The following RNGTT variants were observed in gnomAD, a reference collection of about 807,000 sequenced individuals.
The protein encoded by RNGTT is mRNA-capping enzyme.
A neutral mutation model predicts 79.3 loss-of-function variants in RNGTT; 33 were observed. That is an observed-to-expected ratio of 0.42 (90% CI 0.32 to 0.56). The LOEUF (loss-of-function observed/expected upper bound fraction) is 0.56, where lower values mean the gene tolerates loss of function less well. Among genes scored for constraint, RNGTT ranks in the 20% least tolerant of loss-of-function variants. RNGTT has a pLI of 0.17. For missense variants in RNGTT, 497 were observed against 739.1 expected (o/e 0.67, Z 3.80); for synonymous variants, 222 against 235.9 (o/e 0.94, Z 0.54).
intron 5 of RNGTT, 33 bp from the exon 6 acceptor site, chr6:88,904,988 C>T (rs1036159644): frequency 4.8e-5 from 77 of 1,605,016 alleles, no homozygotes; most frequent in Non-Finnish European, 6.6e-5. Flanking sequence ...AATTTCCTCG[C>T]TATCCTCTAT....
At chr6:88,808,048 A>C (rs1780017768) in intron 11 of RNGTT, among the ~76,000 whole-genome samples, 1 of 152,226 alleles carries the variant, frequency 6.6e-6, no homozygotes, top group Non-Finnish European at 1.5e-5. Context: ...GAATATAAGA[A>C]ATTTTAAAAG....
intron 11 of RNGTT, among the ~76,000 whole-genome samples, chr6:88,807,062 G>C (rs1779981773): frequency 6.6e-6 from 1 of 152,226 alleles, no homozygotes; most frequent in African/African-American, 2.4e-5. Context: ...GGACACATGG[G>C]GGTGAACAAC....
intron 8 of RNGTT, among the ~76,000 whole-genome samples, chr6:88,866,525 A>G (rs894386212): frequency 2.0e-5 from 3 of 152,172 alleles, no homozygotes; most frequent in Non-Finnish European, 2.9e-5. Flanking sequence ...TTACCCTACC[A>G]TAGCAAGAAG....
intron 8 of RNGTT, among the ~76,000 whole-genome samples, chr6:88,885,889 C>T (rs554982040): frequency 4.6e-5 from 7 of 152,332 alleles, no homozygotes; most frequent in African/African-American, 1.7e-4. Context: ...CTGTGATGTT[C>T]TTGCAAGCAT....
intron 13 of RNGTT, among the ~76,000 whole-genome samples, chr6:88,742,200 C>T (rs1199540784): frequency 6.6e-6 from 1 of 151,992 alleles, no homozygotes; most frequent in Non-Finnish European, 1.5e-5. Flanking sequence ...TAACATGTAT[C>T]GGATAAAGGT....
intron 12 of RNGTT, among the ~76,000 whole-genome samples, chr6:88,776,389 A>G (rs1778882738): frequency 6.7e-6 from 1 of 148,266 alleles, no homozygotes; most frequent in Non-Finnish European, 1.5e-5. Flanking sequence ...GCGCAATCTC[A>G]GCTCACCGCA....
At chr6:88,776,811 C>T (rs1778903248) in intron 12 of RNGTT, among the ~76,000 whole-genome samples, 1 of 152,000 alleles carries the variant, frequency 6.6e-6, no homozygotes, top group Admixed American at 6.6e-5. Flanking sequence ...TCTGCCTTTT[C>T]ATTTTGTTGA....
At chr6:88,932,961 A>C (rs562906640) in intron 2 of RNGTT, among the ~76,000 whole-genome samples, 1 of 152,072 alleles carries the variant, frequency 6.6e-6, no homozygotes, top group Non-Finnish European at 1.5e-5. Flanking sequence ...TCAATCCCCA[A>C]ATTTTCCTGC....
At chr6:88,866,010 A>G (rs1407686986) in intron 8 of RNGTT, among the ~76,000 whole-genome samples, 1 of 152,176 alleles carries the variant, frequency 6.6e-6, no homozygotes, top group Non-Finnish European at 1.5e-5. Flanking sequence ...TCATAACAAT[A>G]AAAATTGACT....
chr6:88,958,237 A>G (rs1027540215), intron 1 of RNGTT, among the ~76,000 whole-genome samples: 1 of 152,238 alleles, frequency 6.6e-6, no homozygotes, highest in African/African-American at 2.4e-5. Context: ...GATCAACTCA[A>G]ACTTAAGTAA....
intron 12 of RNGTT, among the ~76,000 whole-genome samples, chr6:88,770,493 T>C (rs1778617362): frequency 6.6e-6 from 1 of 152,194 alleles, no homozygotes; most frequent in African/African-American, 2.4e-5. Flanking sequence ...TCCTTTTCAT[T>C]GCTGACTAGG....
At chr6:88,777,210 G>A (rs1778918212) in intron 12 of RNGTT, among the ~76,000 whole-genome samples, 1 of 152,114 alleles carries the variant, frequency 6.6e-6, no homozygotes, top group Non-Finnish European at 1.5e-5. Context: ...CTATGTGTAT[G>A]TTTCTATTTC....
chr6:88,791,909 T>C (rs1779435126), intron 12 of RNGTT, among the ~76,000 whole-genome samples: 1 of 152,066 alleles, frequency 6.6e-6, no homozygotes, highest in Non-Finnish European at 1.5e-5. Flanking sequence ...ACTCTAAAAA[T>C]CTAAAAAATA....
intron 9 of RNGTT, among the ~76,000 whole-genome samples, chr6:88,852,285 C>G (rs189366055): frequency 1.3e-5 from 2 of 152,222 alleles, no homozygotes; most frequent in African/African-American, 4.8e-5. Context: ...TCATAATAGG[C>G]ACTCAACAAA....
At chr6:88,843,327 T>G (rs1229230757) in intron 11 of RNGTT, among the ~76,000 whole-genome samples, 1 of 152,088 alleles carries the variant, frequency 6.6e-6, no homozygotes, top group African/African-American at 2.4e-5. Context: ...AAATGTTCAC[T>G]GAAACAGTGT....
At chr6:88,618,506 G>A (rs1772316639) in intron 14 of RNGTT, among the ~76,000 whole-genome samples, 1 of 151,986 alleles carries the variant, frequency 6.6e-6, no homozygotes, top group Non-Finnish European at 1.5e-5. Flanking sequence ...GACCCCATCA[G>A]GTCTTCTAAT....
intron 13 of RNGTT, among the ~76,000 whole-genome samples, chr6:88,697,783 A>G (rs1403138293): frequency 2.0e-5 from 3 of 150,510 alleles, no homozygotes; most frequent in African/African-American, 7.3e-5. Context: ...AGGTGGAAGG[A>G]TAACTTGAGC....
intron 8 of RNGTT, among the ~76,000 whole-genome samples, chr6:88,854,137 C>G (rs1176276316): frequency 2.6e-5 from 4 of 151,876 alleles, no homozygotes; most frequent in African/African-American, 9.7e-5. Flanking sequence ...TGGGGTTTCA[C>G]TATGTTGGTC....
chr6:88,646,357 G>A (rs1773559099), intron 14 of RNGTT, among the ~76,000 whole-genome samples: 1 of 152,204 alleles, frequency 6.6e-6, no homozygotes, highest in Non-Finnish European at 1.5e-5. Flanking sequence ...GTGCTGGAGA[G>A]GATGTGGAGA....
Sources: allele counts gnomAD v4.1 joint callset (sites outside exome capture counted in the v4.1 genomes callset), GRCh38; gene constraint gnomAD v4.1.1; transcripts MANE v1.5; gene names NCBI Gene and HGNC (gene_info 2026-07-23, HGNC 2026-07-21).